Variants in CRTC3 observed in about 807,000 individuals in gnomAD.
CRTC3 encodes CREB regulated transcription coactivator 3.
A neutral mutation model predicts 74.5 loss-of-function variants in CRTC3; 26 were observed. The observed-to-expected ratio is 0.35, with a 90% CI of 0.26 to 0.48. CRTC3 has a LOEUF of 0.48. CRTC3 is among the 20% of genes least tolerant of loss of function. The pLI is 0.99. For missense variants in CRTC3, 760 were observed against 787.3 expected (o/e 0.97, Z 0.41); for synonymous variants, 377 against 325.8 (o/e 1.16, Z -1.69).
intron 13 of CRTC3, among the ~76,000 whole-genome samples, chr15:90,639,864 G>T (rs1002454202): frequency 2.0e-5 from 3 of 151,456 alleles, no homozygotes; most frequent in Non-Finnish European, 4.4e-5. Context: ...TGGCTAACAC[G>T]GTGAAACCTT....
chr15:90,605,040 C>T (rs1466173994), intron 5 of CRTC3, among the ~76,000 whole-genome samples: 2 of 151,732 alleles, frequency 1.3e-5, no homozygotes, highest in Admixed American at 1.3e-4. Flanking sequence ...GCCAGAGGAT[C>T]GTGTGAGTCC....
At chr15:90,576,861 GAGGAAGTGGAGT>G (rs1266571398) in intron 2 of CRTC3, among the ~76,000 whole-genome samples, 2 of 19,986 alleles carry the variant, frequency 1.0e-4, no homozygotes, top group East Asian at 3.4e-3. Context: ...TGTGGGAGTT[GAGGAAGTGGAGT>G]TGAGGCAACT....
chr15:90,635,268 G>A (rs966434148), intron 11 of CRTC3, among the ~76,000 whole-genome samples: 1 of 152,058 alleles, frequency 6.6e-6, no homozygotes, highest in African/African-American at 2.4e-5. Flanking sequence ...TGTGTATGTG[G>A]GCAGGCCTGC....
At chr15:90,596,620 T>C (rs1462817840) in intron 3 of CRTC3, among the ~76,000 whole-genome samples, 1 of 152,212 alleles carries the variant, frequency 6.6e-6, no homozygotes, top group Non-Finnish European at 1.5e-5. Flanking sequence ...CCAGTCTCTT[T>C]TGAGGAATCA....
In CRTC3 at chr15:90,640,551, G is replaced by T. The variant is rs564722692; in HGVS notation, c.1549-546G>T. On this transcript the variant is annotated intron_variant, in intron 13 of 14. Transcript: ENST00000268184. ...AAAAATACAAAAATTAGCCAGGCAT[G>T]GTGGCATGTGGTCCCAGCTATTTGG... is the stretch of plus-strand genomic sequence containing the variant. Among the ~76,000 whole-genome samples, 201 of 152,236 alleles carry T rather than the reference G, an allele frequency of 1.3e-3. 1 individual carries two copies. The highest frequency in any genetic ancestry group is 6.6e-3 in the South Asian group (32 of 4,832).
At position 90,642,145 on chromosome 15, in the gene CRTC3, A is replaced by T. The variant is rs1347429072; in HGVS notation, c.*5A>T. ...TTTCGAGCTGACAGACTGTGAACAG[A>T]AGGCAGTGGAACAGAAGAATGTTTT... is the stretch of plus-strand genomic sequence containing the variant. On this transcript the variant is annotated 3_prime_UTR_variant, in exon 15 of 15. Coordinates refer to ENST00000268184, the MANE Select transcript of CRTC3 (RefSeq NM_022769.5). 1 of 1,612,868 alleles carries T rather than the reference A, an allele frequency of 6.2e-7. No individual in the cohort carries two copies. The highest frequency in any genetic ancestry group is 1.1e-5 in the South Asian group (1 of 91,064).
At chr15:90,639,816 G>A (rs1212921939) in intron 13 of CRTC3, among the ~76,000 whole-genome samples, 1 of 150,732 alleles carries the variant, frequency 6.6e-6, no homozygotes, top group Non-Finnish European at 1.5e-5. Flanking sequence ...GGGAGGCCGA[G>A]GCGGGCGGAT....
At chr15:90,556,970 A>C (rs1303447393) in intron 2 of CRTC3, among the ~76,000 whole-genome samples, 4 of 17,020 alleles carry the variant, frequency 2.4e-4, no homozygotes, top group African/African-American at 4.0e-4. Context: ...ATATATATAT[A>C]TATATATATA....
intron 11 of CRTC3, among the ~76,000 whole-genome samples, chr15:90,634,033 T>A (rs950638333): frequency 2.0e-5 from 3 of 152,148 alleles, no homozygotes; most frequent in African/African-American, 7.2e-5. Context: ...TTATTTTCTA[T>A]AATAGAATTT....
At chr15:90,537,910 G>A (rs1395991765) in intron 1 of CRTC3, among the ~76,000 whole-genome samples, 1 of 152,194 alleles carries the variant, frequency 6.6e-6, no homozygotes. Context: ...AGTCTTTGAA[G>A]GCTTCGGAAA....
intron 2 of CRTC3, among the ~76,000 whole-genome samples, chr15:90,552,363 C>T (rs568248334): frequency 6.6e-6 from 1 of 152,330 alleles, no homozygotes; most frequent in South Asian, 2.1e-4. Flanking sequence ...TGTCTTGAGT[C>T]ACAGATCAGA....
Position 90,625,739 on chromosome 15 carries a change from C to A in CRTC3, c.750-37C>A. The A allele has an allele frequency of 1.3e-6, 2 of 1,571,026 alleles. 1 individual carries two copies. Among genetic ancestry groups the A allele is most frequent in the Non-Finnish European group, 1.8e-6 (2 of 1,140,788 alleles). On this transcript the variant is annotated intron_variant, in intron 9 of 14. Transcript: ENST00000268184. ...TGTTTGGTTTCCCAACAGCCAAATA[C>A]ATTGTAGAAAGTCATTCTTAATCTT...
Position 90,604,450 on chromosome 15 carries a change from ACATGGGTTGTTTC to A in CRTC3, c.476+5_476+17del. 1 of 1,610,998 alleles carries A rather than the reference ACATGGGTTGTTTC, an allele frequency of 6.2e-7. No individual in the cohort carries two copies. Among genetic ancestry groups the A allele is most frequent in the Non-Finnish European group, 8.5e-7 (1 of 1,177,112 alleles). The stretch of plus-strand genomic sequence containing the variant: ...AGGCTGACATCTGCACTTAACAGGT[ACATGGGTTGTTTC>A]CTGGTAGGAGTAGATTTTAAAGCAA... On this transcript the variant is annotated splice_donor_5th_base_variant and intron_variant, in intron 5 of 14. Transcript: ENST00000268184.
chr15:90,603,111 A>G (rs1039511217), intron 4 of CRTC3, among the ~76,000 whole-genome samples: 11 of 152,178 alleles, frequency 7.2e-5, no homozygotes, highest in African/African-American at 2.7e-4. Flanking sequence ...TACCAGCAGA[A>G]TACTCAGATA....
At chr15:90,607,290 C>A in intron 5 of CRTC3, 88 bp from the exon 6 acceptor site, 1 of 787,094 alleles carries the variant, frequency 1.3e-6, no homozygotes, top group Non-Finnish European at 2.2e-6. Context: ...TTCTTGCCTT[C>A]TTTCCTGTTG....
Position 90,577,876 on chromosome 15 carries a change from G to A in CRTC3, c.232-15760G>A, listed in dbSNP as rs139618267. Among the ~76,000 whole-genome samples, 1,014 of 151,972 alleles carry A rather than the reference G, an allele frequency of 6.7e-3. 10 individuals are homozygous for A. Among genetic ancestry groups the A allele is most frequent in the African/African-American group, 0.023 (935 of 41,322 alleles). ...TGGCTACCAGAGGCCAGGAAAGGGAGAGGGGGATGAAGGAAGAAAAGGGAT... is the reference window on the plus strand; with the variant it reads ...TGGCTACCAGAGGCCAGGAAAGGGAAAGGGGGATGAAGGAAGAAAAGGGAT... On this transcript the variant is annotated intron_variant, in intron 2 of 14. Transcript: ENST00000268184.
intron 2 of CRTC3, among the ~76,000 whole-genome samples, chr15:90,564,102 G>C (rs1199426335): frequency 6.6e-6 from 1 of 152,180 alleles, no homozygotes; most frequent in Non-Finnish European, 1.5e-5. Context: ...GGCCAAGAAG[G>C]ATTAAACAAT....
intron 2 of CRTC3, among the ~76,000 whole-genome samples, chr15:90,589,347 G>T (rs1238007139): frequency 1.3e-5 from 2 of 149,330 alleles, no homozygotes. Context: ...GAGCCATGGC[G>T]CCCAGCCTGT....
At chr15:90,567,510 A>G (rs772350881) in intron 2 of CRTC3, among the ~76,000 whole-genome samples, 4 of 152,014 alleles carry the variant, frequency 2.6e-5, no homozygotes, top group Non-Finnish European at 4.4e-5. Flanking sequence ...AACATGGTGA[A>G]ACCCTGTCTC....
Sources: gnomAD v4.1 joint callset for allele counts (sites outside exome capture counted in the v4.1 genomes callset) on GRCh38, gnomAD v4.1.1 for gene constraint, MANE v1.5 for transcripts, NCBI Gene and HGNC (gene_info 2026-07-23, HGNC 2026-07-21) for gene names.